The following NTF3 variants were observed in gnomAD, a reference collection of about 807,000 sequenced individuals.
NTF3 encodes the protein neurotrophin 3.
A neutral mutation model predicts 26.3 loss-of-function variants in NTF3; 8 were observed. The ratio of observed to expected loss-of-function variants is 0.30; its 90% CI spans 0.18 to 0.55. The LOEUF (loss-of-function observed/expected upper bound fraction) is 0.55, where lower values mean the gene tolerates loss of function less well. Among genes scored for constraint, NTF3 ranks in the 20% least tolerant of loss-of-function variants. NTF3 has a pLI of 0.93. For synonymous variants in NTF3, 154 were observed against 145.5 expected (o/e 1.06, Z -0.42); for missense variants, 276 against 352.9 (o/e 0.78, Z 1.75).
At chr12:5,480,426 A>G (rs573344285) in intron 1 of NTF3, among the ~76,000 whole-genome samples, 39 of 152,330 alleles carry the variant, frequency 2.6e-4, no homozygotes, top group African/African-American at 9.1e-4. Flanking sequence ...CTAAGCAAAT[A>G]AAGTGGCAAG....
chr12:5,451,919 C>T (rs769723223), intron 1 of NTF3, among the ~76,000 whole-genome samples: 1 of 152,126 alleles, frequency 6.6e-6, no homozygotes, highest in Non-Finnish European at 1.5e-5. Flanking sequence ...TCTCAAACTC[C>T]TGGCCCGAAG....
At chr12:5,452,589 G>A (rs939564878) in intron 1 of NTF3, among the ~76,000 whole-genome samples, 1 of 152,188 alleles carries the variant, frequency 6.6e-6, no homozygotes, top group African/African-American at 2.4e-5. Flanking sequence ...ATTTCCAGAC[G>A]TTACCTTTCC....
At chr12:5,484,586 A>G (rs138780628) in intron 1 of NTF3, among the ~76,000 whole-genome samples, 360 of 152,274 alleles carry the variant, frequency 2.4e-3, no homozygotes, top group Middle Eastern at 0.01. Flanking sequence ...ATTACATTGT[A>G]AAAGGGCCAA....
intron 1 of NTF3, among the ~76,000 whole-genome samples, chr12:5,486,316 G>A (rs988131302): frequency 6.6e-6 from 1 of 152,192 alleles, no homozygotes; most frequent in African/African-American, 2.4e-5. Context: ...GTTTGGAAGA[G>A]GCAACCAAAG....
intron 1 of NTF3, among the ~76,000 whole-genome samples, chr12:5,452,233 C>T (rs191081131): frequency 3.0e-4 from 46 of 151,768 alleles, no homozygotes; most frequent in African/African-American, 9.9e-4. Context: ...GTAGCTGGGA[C>T]TACAGGCGCC....
chr12:5,460,755 G>T (rs2121189954), intron 1 of NTF3, among the ~76,000 whole-genome samples: 1 of 152,256 alleles, frequency 6.6e-6, no homozygotes, highest in South Asian at 2.1e-4. Flanking sequence ...CAATAAACTG[G>T]ATCAGAACCA....
At chr12:5,470,136 T>G (rs1012075306) in intron 1 of NTF3, among the ~76,000 whole-genome samples, 11 of 152,124 alleles carry the variant, frequency 7.2e-5, no homozygotes, top group Non-Finnish European at 1.3e-4. Flanking sequence ...GTGTTAGCCA[T>G]GATGGTCTTG....
chr12:5,464,729 C>A (rs922388671), intron 1 of NTF3, among the ~76,000 whole-genome samples: 1 of 152,178 alleles, frequency 6.6e-6, no homozygotes, highest in Non-Finnish European at 1.5e-5. Context: ...CATGTTCTCT[C>A]TTACTTGCAC....
chr12:5,484,581 A>C (rs1412613772), intron 1 of NTF3, among the ~76,000 whole-genome samples: 2 of 152,162 alleles, frequency 1.3e-5, no homozygotes, highest in Non-Finnish European at 2.9e-5. Flanking sequence ...CATTGATTAC[A>C]TTGTAAAAGG....
intron 1 of NTF3, among the ~76,000 whole-genome samples, chr12:5,465,668 C>T (rs377193387): frequency 8.5e-5 from 13 of 152,382 alleles, no homozygotes; most frequent in African/African-American, 3.1e-4. Context: ...ACTCAGACTG[C>T]TGATGGCCAC....
chr12:5,437,101 C>G (rs1176996920), intron 1 of NTF3, among the ~76,000 whole-genome samples: 4 of 152,174 alleles, frequency 2.6e-5, no homozygotes, highest in African/African-American at 9.7e-5. Flanking sequence ...TTGGGTACAG[C>G]CACTTTCCCC....
intron 1 of NTF3, among the ~76,000 whole-genome samples, chr12:5,443,834 T>C (rs1940270052): frequency 6.6e-6 from 1 of 152,132 alleles, no homozygotes; most frequent in Non-Finnish European, 1.5e-5. Flanking sequence ...TATTCTTGCC[T>C]TTTGATGTGT....
At chr12:5,464,706 A>G (rs1279500496) in intron 1 of NTF3, among the ~76,000 whole-genome samples, 1 of 152,204 alleles carries the variant, frequency 6.6e-6, no homozygotes, top group East Asian at 1.9e-4. Flanking sequence ...GTGTCATCAC[A>G]GCTCAGGGTG....
At chr12:5,437,178 C>T (rs1468669811) in intron 1 of NTF3, among the ~76,000 whole-genome samples, 1 of 152,176 alleles carries the variant, frequency 6.6e-6, no homozygotes, top group East Asian at 1.9e-4. Context: ...TCCCAGAAGT[C>T]AGTACATGCT....
intron 1 of NTF3, among the ~76,000 whole-genome samples, chr12:5,489,633 T>G (rs1180069635): frequency 6.6e-6 from 1 of 152,168 alleles, no homozygotes; most frequent in Non-Finnish European, 1.5e-5. Context: ...GTCTAAAAAT[T>G]TACTTCACAC....
intron 1 of NTF3, among the ~76,000 whole-genome samples, chr12:5,452,404 T>C (rs772689220): frequency 5.3e-5 from 8 of 152,280 alleles, no homozygotes; most frequent in Non-Finnish European, 8.8e-5. Flanking sequence ...CCTCTCCATG[T>C]CTTTAATTAT....
At chr12:5,493,340 A>C (rs778591624) in intron 1 of NTF3, among the ~76,000 whole-genome samples, 4 of 152,230 alleles carry the variant, frequency 2.6e-5, no homozygotes, top group Non-Finnish European at 5.9e-5. Context: ...ACTAAAAGGA[A>C]CATTTTGTAG....
At position 5,469,166 on chromosome 12, in the gene NTF3, G is replaced by A. The variant is rs78952028; in HGVS notation, c.19-25028G>A. On this transcript the variant is annotated intron_variant, in intron 1 of 1. Coordinates refer to ENST00000423158, the MANE Select transcript of NTF3 (RefSeq NM_001102654.2). ...GTTGCTGAATCCGTCTTATAAATCT[G>A]TAACAGAAAATTATGGCAAGTTGTG... is the stretch of plus-strand genomic sequence containing the variant. 9.9e-5 allele frequency among the ~76,000 whole-genome samples: 15 copies of A among 152,184 alleles called. No individual in the cohort carries two copies. In the East Asian group the frequency reaches 2.7e-3, roughly 27 times the overall value.
rs538371274 is a variant in NTF3 at position 5,435,815 on chromosome 12, T to TG, written c.18+3480dup. 2.1e-3 allele frequency among the ~76,000 whole-genome samples: 314 copies of TG among 151,810 alleles called. 2 individuals are homozygous for TG. Among genetic ancestry groups the TG allele is most frequent in the African/African-American group, 7.1e-3 (293 of 41,344 alleles). ...GTGTAAAGCTAACCTGAGTGTGTGT[T>TG]GGGGGGGTGGGTATGCATGCAGGTG... On this transcript the variant is annotated intron_variant, in intron 1 of 1. Transcript: ENST00000423158.
Sources: allele counts gnomAD v4.1 joint callset (sites outside exome capture counted in the v4.1 genomes callset), GRCh38; gene constraint gnomAD v4.1.1; transcripts MANE v1.5; gene names NCBI Gene and HGNC (gene_info 2026-07-23, HGNC 2026-07-21).